ABHD12B: variants seen among roughly 807,000 people sequenced by gnomAD.
The protein encoded by ABHD12B is protein ABHD12B.
A neutral mutation model predicts 50.4 loss-of-function variants in ABHD12B; 42 were observed. The observed-to-expected ratio is 0.83, with a 90% CI of 0.65 to 1.08. The LOEUF (loss-of-function observed/expected upper bound fraction) is 1.08, where lower values mean the gene tolerates loss of function less well. Ranked by LOEUF, ABHD12B falls within the 50% of genes least tolerant of loss-of-function variation. The pLI is 0.00. For synonymous variants in ABHD12B, 167 were observed against 160.3 expected, an observed-to-expected ratio of 1.04 and a Z score of -0.32; for missense variants, 479 against 447.7, an observed-to-expected ratio of 1.07 and a Z score of -0.63.
chr14:50,875,956 G>C (rs2049857836), intron 1 of ABHD12B, among the ~76,000 whole-genome samples: 1 of 152,084 alleles, frequency 6.6e-6, no homozygotes, highest in Non-Finnish European at 1.5e-5. Context: ...CTAACAGGCA[G>C]GGTGGAGGTG....
At chr14:50,899,684 G>C (rs946831291) in intron 9 of ABHD12B, among the ~76,000 whole-genome samples, 3 of 152,018 alleles carry the variant, frequency 2.0e-5, no homozygotes, top group Non-Finnish European at 4.4e-5. Flanking sequence ...AGCACTTTGG[G>C]AGGCTGAGGC....
chr14:50,901,004 G>A (rs953582534), intron 9 of ABHD12B, among the ~76,000 whole-genome samples: 6 of 152,182 alleles, frequency 3.9e-5, no homozygotes, highest in African/African-American at 1.4e-4. Context: ...ACTTGGAATT[G>A]CAGCTTAGTA....
chr14:50,895,136 C>A (rs1338689332), intron 9 of ABHD12B, among the ~76,000 whole-genome samples: 1 of 150,098 alleles, frequency 6.7e-6, no homozygotes, highest in East Asian at 1.9e-4. Flanking sequence ...TTGGCAGCAA[C>A]CCTGAGACAC....
chr14:50,888,734 T>C, intron 8 of ABHD12B, 90 bp from the exon 9 acceptor site: 3 of 1,087,398 alleles, frequency 2.8e-6, no homozygotes, highest in South Asian at 2.7e-5. Flanking sequence ...ACGTAGCTCA[T>C]GTACAAGATC....
At chr14:50,897,932 G>T (rs931159558) in intron 9 of ABHD12B, among the ~76,000 whole-genome samples, 1 of 152,198 alleles carries the variant, frequency 6.6e-6, no homozygotes, top group Non-Finnish European at 1.5e-5. Flanking sequence ...AAGGCAGGGA[G>T]AATTCAAGGC....
intron 8 of ABHD12B, among the ~76,000 whole-genome samples, chr14:50,888,140 G>A (rs1053478674): frequency 5.9e-5 from 9 of 151,878 alleles, no homozygotes; most frequent in African/African-American, 2.2e-4. Context: ...GTCAGCCTCT[G>A]GCACATTCTT....
chr14:50,899,911 G>A (rs1291999965), intron 9 of ABHD12B, among the ~76,000 whole-genome samples: 1 of 147,874 alleles, frequency 6.8e-6, no homozygotes, highest in Admixed American at 6.8e-5. Context: ...AACAGAGTGA[G>A]ACTCTGTCTA....
chr14:50,872,894 G>A lies in ABHD12B; in HGVS notation c.104+616G>A, dbSNP rs181520417. On this transcript the variant is annotated intron_variant, in intron 1 of 12. Transcript: ENST00000337334. Reference sequence around the variant, plus strand: ...TCTGAAATGTATCAGTGGGTGTTTCGGGTTTTGTTTCTGTTTTCTTCCTCC... The same window carrying A: ...TCTGAAATGTATCAGTGGGTGTTTCAGGTTTTGTTTCTGTTTTCTTCCTCC... Among the ~76,000 whole-genome samples the A allele has an allele frequency of 4.3e-3, 661 of 152,178 alleles. 7 individuals carry two copies. The highest frequency in any genetic ancestry group is 0.015 in the African/African-American group (638 of 41,516).
intron 4 of ABHD12B, among the ~76,000 whole-genome samples, chr14:50,881,276 C>A (rs2142729931): frequency 6.6e-6 from 1 of 152,222 alleles, no homozygotes; most frequent in Admixed American, 6.5e-5. Flanking sequence ...AGATCTCCAC[C>A]ATCTTGGGAG....
In ABHD12B at chr14:50,878,765, G is replaced by C; in HGVS notation, c.253G>C (p.Asp85His). 6.2e-7 allele frequency: 1 copy of C among 1,613,854 alleles called. No individual in the cohort carries two copies. The highest frequency in any genetic ancestry group is 8.5e-7 in the Non-Finnish European group (1 of 1,179,780). Residue 85 changes from aspartate to histidine, a missense_variant, in exon 3 of 13, where the codon GAT (aspartate) becomes CAT (histidine). By Grantham distance (81) the Asp-to-His change is moderately conservative. Transcript: ENST00000337334. ...FNFFKAPFLVDLKKPELKIPH... is the reference protein window; with the variant it reads ...FNFFKAPFLVHLKKPELKIPH... ...TCCAGTCAAAGCCCCATTTCTTGTGGATTTAAAGAAACCAGAGTTAAAGAT... is the reference window on the plus strand; with the variant it reads ...TCCAGTCAAAGCCCCATTTCTTGTGCATTTAAAGAAACCAGAGTTAAAGAT...
chr14:50,900,323 G>A (rs896681248), intron 9 of ABHD12B, among the ~76,000 whole-genome samples: 2 of 152,148 alleles, frequency 1.3e-5, no homozygotes, highest in Non-Finnish European at 2.9e-5. Flanking sequence ...CAAAGTGTAC[G>A]CCAGGGATAT....
intron 1 of ABHD12B, among the ~76,000 whole-genome samples, chr14:50,875,156 G>A (rs768304480): frequency 3.7e-4 from 57 of 152,156 alleles, no homozygotes; most frequent in Non-Finnish European, 3.7e-4. Context: ...AAGGCCAGCT[G>A]AGGCCCCGTT....
At chr14:50,878,869 CG>C in intron 3 of ABHD12B, 22 bp downstream of exon 3, 1 of 1,599,932 alleles carries the variant, frequency 6.3e-7, no homozygotes, top group Non-Finnish European at 8.6e-7. Flanking sequence ...GATGGGACAC[CG>C]GGTTGCTTGA....
At chr14:50,900,091 G>T (rs1055355505) in intron 9 of ABHD12B, among the ~76,000 whole-genome samples, 1 of 151,758 alleles carries the variant, frequency 6.6e-6, no homozygotes, top group African/African-American at 2.4e-5. Context: ...AATTAGTTGG[G>T]TGTGGTGGCA....
intron 1 of ABHD12B, among the ~76,000 whole-genome samples, chr14:50,872,858 T>G (rs1169209526): frequency 1.3e-5 from 2 of 152,172 alleles, no homozygotes; most frequent in Non-Finnish European, 2.9e-5. Context: ...CAAGTTCTTA[T>G]GTTGTTTAAG....
At position 50,896,314 on chromosome 14, in the gene ABHD12B, C is replaced by T. The variant is rs149706713; in HGVS notation, c.781-5515C>T. ...CATCGCCCATTCTCCCTCCATACCA[C>T]CCCCCAAAAATTTTCACCGCTCCAA... On this transcript the variant is annotated intron_variant, in intron 9 of 12. Coordinates refer to ENST00000337334, the MANE Select transcript of ABHD12B (RefSeq NM_001206673.2). Among the ~76,000 whole-genome samples, 1,152 of 152,184 alleles carry T rather than the reference C, an allele frequency of 7.6e-3. 16 individuals carry two copies. Among genetic ancestry groups the T allele is most frequent in the African/African-American group, 0.027 (1,118 of 41,516 alleles).
At chr14:50,883,878 G>GACTAAT (rs1437339631) in intron 5 of ABHD12B, among the ~76,000 whole-genome samples, 1 of 152,184 alleles carries the variant, frequency 6.6e-6, no homozygotes, top group Admixed American at 6.5e-5. Context: ...CACTGCAACA[G>GACTAAT]ACTAATACAG....
chr14:50,885,643 G>T lies in ABHD12B; in HGVS notation c.516G>T (p.Leu172Phe). The change falls in exon 6 of 13, where the codon TTG (leucine) becomes TTT (phenylalanine). Residue 172 changes from leucine to phenylalanine, a missense_variant. By Grantham distance (22) the Leu-to-Phe change is conservative. Coordinates refer to ENST00000337334, the MANE Select transcript of ABHD12B (RefSeq NM_001206673.2). The part of the protein sequence containing the change: ...KVLSDGGFHV[L>F]SVDYRGFGDS... ...TGAGTGATGGTGGCTTTCATGTCTT[G>T]TCTGTTGACTACAGAGGTATGTGTT... 1 of 1,614,148 alleles carries T rather than the reference G, an allele frequency of 6.2e-7. No individual in the cohort carries two copies. The highest frequency in any genetic ancestry group is 8.5e-7 in the Non-Finnish European group (1 of 1,180,030).
chr14:50,888,791 A>G, intron 8 of ABHD12B, 33 bp from the exon 9 acceptor site: 1 of 1,576,956 alleles, frequency 6.3e-7, no homozygotes, highest in Non-Finnish European at 8.7e-7. Flanking sequence ...TAGGGGAGTT[A>G]CTGATTTCTT....
Sources: gnomAD v4.1 joint callset for allele counts (sites outside exome capture counted in the v4.1 genomes callset) on GRCh38, gnomAD v4.1.1 for gene constraint, MANE v1.5 for transcripts, NCBI Gene and HGNC (gene_info 2026-07-23, HGNC 2026-07-21) for gene names.